The following CEACAM21 variants were observed in gnomAD, a reference collection of about 807,000 sequenced individuals.
CEACAM21 encodes the protein CEA cell adhesion molecule 21.
In CEACAM21, 38 loss-of-function variants were observed where a neutral mutation model predicts 33.2. The observed-to-expected ratio is 1.14, with a 90% confidence interval of 0.88 to 1.50. The LOEUF is 1.50. CEACAM21 is among the 40% of genes most tolerant of loss of function. The pLI, the probability that CEACAM21 is intolerant of heterozygous loss-of-function variation, is 0.00. For synonymous variants in CEACAM21, 156 were observed against 143.0 expected (o/e 1.09, Z -0.65); for missense variants, 385 against 364.6 (o/e 1.06, Z -0.46).
chr19:41,577,645 T>TC, intron 2 of CEACAM21, 86 bp downstream of exon 2: 1 of 1,572,074 alleles, frequency 6.4e-7, no homozygotes, highest in Non-Finnish European at 8.6e-7. Flanking sequence ...TGTGCCTGCA[T>TC]CCCCCTCTGC....
intron 2 of CEACAM21, among the ~76,000 whole-genome samples, chr19:41,567,555 C>A (rs544894311): frequency 6.6e-6 from 1 of 152,316 alleles, no homozygotes; most frequent in Non-Finnish European, 1.5e-5. Context: ...TTCAAGCCCA[C>A]AACAGAGATG....
At chr19:41,574,132 C>T (rs2042779918), upstream of CEACAM21, among the ~76,000 whole-genome samples, 1 of 152,216 alleles carries the variant, frequency 6.6e-6, no homozygotes. Context: ...GCTGGAACAA[C>T]TGGATAACCA....
At chr19:41,574,450 G>C (rs767743149), upstream of CEACAM21, among the ~76,000 whole-genome samples, 3 of 152,098 alleles carry the variant, frequency 2.0e-5, no homozygotes, top group Non-Finnish European at 4.4e-5. Flanking sequence ...TACCCCATAA[G>C]GGACTTGTAT....
intron 4 of CEACAM21, among the ~76,000 whole-genome samples, chr19:41,584,801 C>G (rs776668438): frequency 6.6e-6 from 1 of 152,264 alleles, no homozygotes; most frequent in East Asian, 1.9e-4. Flanking sequence ...GAGGGGGGAT[C>G]CTGGGCATCA....
intron 2 of CEACAM21, among the ~76,000 whole-genome samples, chr19:41,568,083 G>A (rs1299710507): frequency 6.6e-6 from 1 of 151,974 alleles, no homozygotes; most frequent in Non-Finnish European, 1.5e-5. Flanking sequence ...ATGGGACTGT[G>A]GATGTGGCCT....
upstream of CEACAM21, chr19:41,576,146 T>C (rs2042924787): frequency 9.0e-7 from 1 of 1,107,038 alleles, no homozygotes; most frequent in Non-Finnish European, 1.3e-6. Context: ...GAAGTGCTCC[T>C]GCCTGAGAGG....
upstream of CEACAM21, among the ~76,000 whole-genome samples, chr19:41,574,147 C>T (rs148478323): frequency 1.1e-4 from 16 of 152,240 alleles, no homozygotes; most frequent in African/African-American, 2.4e-4. Flanking sequence ...TAACCACATG[C>T]GAGATAGTGT....
chr19:41,578,353 GC>G (rs2043113803), intron 2 of CEACAM21, among the ~76,000 whole-genome samples: 3 of 151,096 alleles, frequency 2.0e-5, no homozygotes, highest in Admixed American at 6.6e-5. Flanking sequence ...TTTATTTGGA[GC>G]TATTCTGTGC....
At chr19:41,563,465 G>A (rs529782797) in intron 1 of CEACAM21, among the ~76,000 whole-genome samples, 11 of 152,374 alleles carry the variant, frequency 7.2e-5, no homozygotes, top group Middle Eastern at 3.4e-3. Flanking sequence ...CCCCATCGGG[G>A]TGTGGAGCAG....
upstream of CEACAM21, chr19:41,576,058 G>A (rs1480718128): frequency 1.7e-6 from 1 of 593,170 alleles, no homozygotes; most frequent in Non-Finnish European, 3.0e-6. Flanking sequence ...GGAGAAAGGA[G>A]GGACAAGGGA....
intron 1 of CEACAM21, among the ~76,000 whole-genome samples, chr19:41,562,062 A>T (rs147293641): frequency 6.6e-6 from 1 of 152,180 alleles, no homozygotes; most frequent in Non-Finnish European, 1.5e-5. Flanking sequence ...CCTGACAAAC[A>T]TGGTGAAACC....
intron 1 of CEACAM21, among the ~76,000 whole-genome samples, chr19:41,556,647 A>C (rs1555785691): frequency 6.6e-6 from 1 of 152,228 alleles, no homozygotes; most frequent in Admixed American, 6.5e-5. Context: ...GTCAAATGCC[A>C]CGCAAACATT....
upstream of CEACAM21, among the ~76,000 whole-genome samples, chr19:41,575,337 T>G (rs782175389): frequency 6.6e-6 from 1 of 152,376 alleles, no homozygotes; most frequent in Admixed American, 6.5e-5. Flanking sequence ...TCAGTACATT[T>G]ATCTTATGTA....
chr19:41,578,243 A>G (rs1555792066), intron 2 of CEACAM21, among the ~76,000 whole-genome samples: 2 of 152,154 alleles, frequency 1.3e-5, no homozygotes, highest in African/African-American at 2.4e-5. Context: ...GGAGGAGGGA[A>G]AGCAGAGAAA....
intron 2 of CEACAM21, 120 bp downstream of exon 2, chr19:41,577,679 G>C: frequency 7.0e-7 from 1 of 1,434,376 alleles, no homozygotes; most frequent in Non-Finnish European, 9.5e-7. Flanking sequence ...TTGGGGTTTG[G>C]GCATTTAGTG....
intron 1 of CEACAM21, among the ~76,000 whole-genome samples, chr19:41,562,681 T>C (rs900993178): frequency 6.0e-5 from 9 of 150,672 alleles, no homozygotes; most frequent in Non-Finnish European, 1.3e-4. Context: ...TTTGAGAACA[T>C]AATTTTGACC....
intron 1 of CEACAM21, among the ~76,000 whole-genome samples, chr19:41,562,136 C>T (rs1291767896): frequency 6.6e-6 from 1 of 152,122 alleles, no homozygotes; most frequent in Non-Finnish European, 1.5e-5. Flanking sequence ...ATCCCAGCTA[C>T]TTGGGAAGCT....
Position 41,577,099 on chromosome 19 carries a change from A to ACC in CEACAM21, c.65-99_65-98dup, listed in dbSNP as rs1241064011. On this transcript the variant is annotated intron_variant, in intron 1 of 6. Coordinates refer to ENST00000401445, the MANE Select transcript of CEACAM21 (RefSeq NM_001098506.4). ...CAGTAGGACACACACACACACACAC[A>ACC]CCCTCTAAGGCTGAGGGGTGAAGAG... is the stretch of plus-strand genomic sequence containing the variant. The ACC allele has an allele frequency of 2.3e-4, 298 of 1,310,146 alleles. No individual in the cohort carries two copies. In the African/African-American group the frequency reaches 3.9e-3, roughly 17 times the overall value. The allele number at this position is 1,310,146 out of a possible 1,614,324, so 81.2% of individuals were successfully genotyped here.
Position 41,577,227 on chromosome 19 carries a change from C to T in CEACAM21, c.92C>T (p.Pro31Leu). ...TASLLTFWNAPTTAWLFIASA... is the reference protein window; with the variant it reads ...TASLLTFWNALTTAWLFIASA... Reference sequence around the variant, plus strand: ...TCACTTTTAACTTTCTGGAACGCACCCACCACTGCCTGGCTCTTTATTGCA... The same window carrying T: ...TCACTTTTAACTTTCTGGAACGCACTCACCACTGCCTGGCTCTTTATTGCA... The change falls in exon 2 of 7, where the codon CCC becomes CTC. Residue 31 changes from proline (P) to leucine (L), a missense_variant. Coordinates refer to ENST00000401445, the MANE Select transcript of CEACAM21 (RefSeq NM_001098506.4). The T allele has an allele frequency of 6.2e-7, 1 of 1,613,748 alleles. No individual in the cohort carries two copies. Among genetic ancestry groups the T allele is most frequent in the South Asian group, 1.1e-5 (1 of 91,072 alleles).
Sources: allele counts gnomAD v4.1 joint callset (sites outside exome capture counted in the v4.1 genomes callset), GRCh38; gene constraint gnomAD v4.1.1; transcripts MANE v1.5; gene names NCBI Gene and HGNC (gene_info 2026-07-23, HGNC 2026-07-21).